Variants in PAM observed in about 807,000 individuals in gnomAD.
PAM encodes the protein peptidyl-glycine alpha-amidating monooxygenase.
A neutral mutation model predicts 122.1 loss-of-function variants in PAM; 72 were observed. The ratio of observed to expected loss-of-function variants is 0.59; its 90% CI spans 0.49 to 0.72. PAM has a LOEUF of 0.72. Ranked by LOEUF, PAM falls within the 30% of genes least tolerant of loss-of-function variation. PAM has a pLI of 0.00. For missense variants in PAM, 1,106 were observed against 1,183.7 expected, an observed-to-expected ratio of 0.93 and a Z score of 0.96; for synonymous variants, 389 against 404.4, an observed-to-expected ratio of 0.96 and a Z score of 0.46.
intron 3 of PAM, 21 bp downstream of exon 3, chr5:102,867,414 C>G (rs1785956704): frequency 3.8e-6 from 6 of 1,583,276 alleles, no homozygotes; most frequent in East Asian, 2.2e-5. Flanking sequence ...TTTTGTCTTT[C>G]ATTATTCACT....
chr5:102,774,526 T>G (rs181400645), intron 1 of PAM, among the ~76,000 whole-genome samples: 1 of 152,196 alleles, frequency 6.6e-6, no homozygotes, highest in Non-Finnish European at 1.5e-5. Context: ...AGAAAGCAGA[T>G]AGAAAGCAGA....
intron 21 of PAM, among the ~76,000 whole-genome samples, chr5:103,010,832 A>C (rs918943962): frequency 6.6e-6 from 1 of 152,188 alleles, no homozygotes; most frequent in African/African-American, 2.4e-5. Context: ...GGTACATGAG[A>C]TATTTTAGCA....
intron 1 of PAM, among the ~76,000 whole-genome samples, chr5:102,834,707 A>G (rs1776443384): frequency 6.6e-6 from 1 of 152,168 alleles, no homozygotes; most frequent in South Asian, 2.1e-4. Context: ...ATGCTGAAGT[A>G]GGAGCCTGCC....
At chr5:102,970,130 T>C (rs1765370949) in intron 14 of PAM, among the ~76,000 whole-genome samples, 1 of 152,016 alleles carries the variant, frequency 6.6e-6, no homozygotes, top group Non-Finnish European at 1.5e-5. Context: ...CATACAACGG[T>C]GAAATAGGAA....
chr5:102,892,210 A>T (rs1157610621), intron 3 of PAM, among the ~76,000 whole-genome samples: 1 of 151,842 alleles, frequency 6.6e-6, no homozygotes, highest in Non-Finnish European at 1.5e-5. Flanking sequence ...CGACATACTG[A>T]AGCTACTGCA....
At chr5:102,786,678 C>A (rs1199191143) in intron 1 of PAM, among the ~76,000 whole-genome samples, 1 of 152,070 alleles carries the variant, frequency 6.6e-6, no homozygotes, top group Non-Finnish European at 1.5e-5. Context: ...TAGACACATG[C>A]CATTTTTTAG....
chr5:102,845,862 T>G (rs1298418300), intron 1 of PAM, among the ~76,000 whole-genome samples: 5 of 152,170 alleles, frequency 3.3e-5, no homozygotes, highest in Admixed American at 3.3e-4. Flanking sequence ...ACTGGGGAAA[T>G]GAAGTGTGAA....
intron 1 of PAM, among the ~76,000 whole-genome samples, chr5:102,818,081 A>G (rs1770535879): frequency 6.7e-6 from 1 of 150,238 alleles, no homozygotes; most frequent in African/African-American, 2.4e-5. Flanking sequence ...ACCCTGCCCA[A>G]CTGCTCCCAA....
At chr5:102,827,504 A>T (rs1045141621) in intron 1 of PAM, among the ~76,000 whole-genome samples, 1 of 152,166 alleles carries the variant, frequency 6.6e-6, no homozygotes, top group Admixed American at 6.6e-5. Flanking sequence ...TATCCTCATA[A>T]TACAAATGAT....
intron 15 of PAM, among the ~76,000 whole-genome samples, chr5:102,984,698 C>G (rs1408948837): frequency 2.6e-5 from 4 of 152,048 alleles, no homozygotes; most frequent in Non-Finnish European, 4.4e-5. Flanking sequence ...AGAAAATAAA[C>G]ATTGGATTGA....
At position 102,782,378 on chromosome 5, in the gene PAM, C is replaced by G. The variant is rs796883442; in HGVS notation, c.-374+27030C>G. Among the ~76,000 whole-genome samples the G allele has an allele frequency of 4.3e-4, 66 of 152,060 alleles. 1 individual carries two copies. The highest frequency in any genetic ancestry group is 1.5e-3 in the African/African-American group (64 of 41,456). ...TGTTTGTTTCACCCTTTGTTTTCCC[C>G]CCAGAGGAAGGAGAGAAGATTTTGA... On this transcript the variant is annotated intron_variant, in intron 1 of 25. Coordinates refer to ENST00000438793, the MANE Select transcript of PAM (RefSeq NM_001177306.2).
chr5:102,774,515 TAGAA>T (rs1756647140), intron 1 of PAM, among the ~76,000 whole-genome samples: 1 of 152,092 alleles, frequency 6.6e-6, no homozygotes, highest in Non-Finnish European at 1.5e-5. Flanking sequence ...AGGATGGAAT[TAGAA>T]AGCAGATAGA....
intron 14 of PAM, among the ~76,000 whole-genome samples, chr5:102,967,942 C>CG (rs1238004336): frequency 6.6e-6 from 1 of 151,988 alleles, no homozygotes; most frequent in African/African-American, 2.4e-5. Flanking sequence ...AGGCTGGTCT[C>CG]GAACTCCTGA....
At chr5:102,780,773 TTC>T (rs1222750680) in intron 1 of PAM, among the ~76,000 whole-genome samples, 1 of 114,808 alleles carries the variant, frequency 8.7e-6, no homozygotes, top group East Asian at 2.3e-4. Flanking sequence ...CTTTCTTTCT[TTC>T]TTTCTTTCTT....
At chr5:102,771,163 C>G (rs903685636) in intron 1 of PAM, among the ~76,000 whole-genome samples, 17 of 152,220 alleles carry the variant, frequency 1.1e-4, no homozygotes, top group African/African-American at 3.9e-4. Flanking sequence ...TTTAGATTCT[C>G]TTCAGAAAAG....
chr5:102,996,160 A>G (rs1050113913), intron 16 of PAM, among the ~76,000 whole-genome samples: 2 of 152,184 alleles, frequency 1.3e-5, no homozygotes, highest in Non-Finnish European at 2.9e-5. Flanking sequence ...CTAATGTGAA[A>G]AATCATTAAT....
rs924342873 is a variant in PAM at position 102,755,366 on chromosome 5, T to A, written c.-374+18T>A. On this transcript the variant is annotated intron_variant, in intron 1 of 25. Coordinates refer to ENST00000438793, the MANE Select transcript of PAM (RefSeq NM_001177306.2). The stretch of plus-strand genomic sequence containing the variant: ...TCGCGCAGGTTGGTGTTGTTGCCGC[T>A]GCTGCCGCCACTGCGAGGCGGTCAG... The A allele has an allele frequency of 1.3e-5, 2 of 152,150 alleles. No individual in the cohort carries two copies. Among genetic ancestry groups the A allele is most frequent in the African/African-American group, 4.8e-5 (2 of 41,392 alleles). The allele number at this position is 152,150 out of a possible 1,614,324, so 9.4% of individuals were successfully genotyped here. A position where few individuals can be genotyped will look rare whatever the true frequency, so the allele number is the denominator to read the frequency against.
intron 1 of PAM, among the ~76,000 whole-genome samples, chr5:102,841,126 T>C (rs893824790): frequency 6.6e-6 from 1 of 152,124 alleles, no homozygotes; most frequent in Non-Finnish European, 1.5e-5. Context: ...CAAACTAGTA[T>C]AGAAACAAGA....
intron 1 of PAM, among the ~76,000 whole-genome samples, chr5:102,805,063 CCTTTTT>C (rs1765833973): frequency 8.3e-6 from 1 of 120,612 alleles, no homozygotes. Context: ...AGGGAATTTT[CCTTTTT>C]TTTTTTTTTT....
Sources: gnomAD v4.1 joint callset for allele counts (sites outside exome capture counted in the v4.1 genomes callset) on GRCh38, gnomAD v4.1.1 for gene constraint, MANE v1.5 for transcripts, NCBI Gene and HGNC (gene_info 2026-07-23, HGNC 2026-07-21) for gene names.